Variants in ACVR2A observed in about 807,000 individuals in gnomAD.
The protein encoded by ACVR2A is activin receptor type-2A.
ACVR2A carries 7 observed loss-of-function variants against 61.4 expected under a neutral mutation model. The ratio of observed to expected loss-of-function variants is 0.11; its 90% confidence interval spans 0.06 to 0.21. ACVR2A has a LOEUF of 0.21. Among genes scored for constraint, ACVR2A ranks in the 10% least tolerant of loss-of-function variants. The pLI, the probability that ACVR2A is intolerant of heterozygous loss-of-function variation, is 1.00. For synonymous variants in ACVR2A, 193 were observed against 208.3 expected (o/e 0.93, Z 0.63); for missense variants, 322 against 621.7 (o/e 0.52, Z 5.13).
Position 147,892,007 on chromosome 2 carries a change from T to C in ACVR2A, c.56-4294T>C, listed in dbSNP as rs1686598532. Among the ~76,000 whole-genome samples the C allele has an allele frequency of 2.6e-5, 4 of 152,260 alleles. No individual in the cohort carries two copies. In the South Asian group the frequency reaches 8.3e-4, roughly 32 times the overall value. On this transcript the variant is annotated intron_variant, in intron 1 of 10. Transcript: ENST00000241416. The stretch of plus-strand genomic sequence containing the variant: ...GTTTTTTTGAGACAGAGTCTCTTTC[T>C]GTTGCCCAGGCTGGCGTGCAGTGGT...
At chr2:147,871,679 A>T in intron 1 of ACVR2A, among the ~76,000 whole-genome samples, 1 of 152,130 alleles carries the variant, frequency 6.6e-6, no homozygotes, top group East Asian at 1.9e-4. Flanking sequence ...GGAATTGAGC[A>T]GATATATATT....
At chr2:147,894,478 T>G (rs1465346759) in intron 1 of ACVR2A, among the ~76,000 whole-genome samples, 1 of 151,450 alleles carries the variant, frequency 6.6e-6, no homozygotes, top group African/African-American at 2.4e-5. Context: ...ATTGAGTGGA[T>G]TTTTTTTTAA....
At chr2:147,894,669 A>G (rs778087916) in intron 1 of ACVR2A, among the ~76,000 whole-genome samples, 2 of 152,076 alleles carry the variant, frequency 1.3e-5, no homozygotes, top group African/African-American at 2.4e-5. Context: ...ACCATCACCT[A>G]TTGCTGATGG....
intron 1 of ACVR2A, among the ~76,000 whole-genome samples, chr2:147,872,746 A>C (rs1182107411): frequency 6.6e-6 from 1 of 151,844 alleles, no homozygotes; most frequent in Non-Finnish European, 1.5e-5. Flanking sequence ...ATATTTTACA[A>C]GTAGAAGTTA....
intron 1 of ACVR2A, among the ~76,000 whole-genome samples, chr2:147,848,871 A>G (rs1323390473): frequency 6.6e-6 from 1 of 152,180 alleles, no homozygotes; most frequent in Non-Finnish European, 1.5e-5. Context: ...GCAGTAGTTT[A>G]TTAGTAAAAG....
At chr2:147,844,813 G>A (rs1685257300), upstream of ACVR2A, 1 of 198,476 alleles carries the variant, frequency 5.0e-6, no homozygotes, top group Non-Finnish European at 1.0e-5. Flanking sequence ...TTTGTTCCGA[G>A]AGACGGGAGA....
At chr2:147,862,865 T>A (rs1685762573) in intron 1 of ACVR2A, among the ~76,000 whole-genome samples, 2 of 152,214 alleles carry the variant, frequency 1.3e-5, no homozygotes. Flanking sequence ...AACTGGCAAG[T>A]TATGTCACAG....
intron 1 of ACVR2A, among the ~76,000 whole-genome samples, chr2:147,880,056 A>G (rs772770509): frequency 5.9e-5 from 9 of 152,190 alleles, no homozygotes; most frequent in Non-Finnish European, 1.0e-4. Flanking sequence ...TAAGAGTGCT[A>G]GTATAAATGG....
intron 10 of ACVR2A, 149 bp downstream of exon 10, chr2:147,926,310 T>G (rs1287202873): frequency 9.8e-7 from 1 of 1,018,986 alleles, no homozygotes; most frequent in South Asian, 1.7e-5. Flanking sequence ...GAGGCAGAAT[T>G]AGGGCTATGT....
intron 1 of ACVR2A, among the ~76,000 whole-genome samples, chr2:147,862,731 G>A (rs1327532023): frequency 2.0e-5 from 3 of 148,708 alleles, no homozygotes; most frequent in Non-Finnish European, 3.0e-5. Flanking sequence ...GTGACAGAGC[G>A]AGACTCTGTC....
chr2:147,916,990 CT>C (rs1448511928), intron 5 of ACVR2A, among the ~76,000 whole-genome samples: 22 of 151,934 alleles, frequency 1.4e-4, no homozygotes, highest in African/African-American at 4.8e-4. Context: ...CTTGCAGTAA[CT>C]TACGTGTTGC....
Position 147,927,281 on chromosome 2 carries a change from C to T in ACVR2A, c.*7C>T, listed in dbSNP as rs201620807. The T allele has an allele frequency of 1.4e-5, 23 of 1,607,352 alleles. No individual in the cohort carries two copies. The highest frequency in any genetic ancestry group is 2.2e-5 in the East Asian group (1 of 44,532). ...CAAAGAATCTAGTCTATGATGGTTG[C>T]GCCATCTGTGCACACTAAGAAATGG... On this transcript the variant is annotated 3_prime_UTR_variant, in exon 11 of 11. Coordinates refer to ENST00000241416, the MANE Select transcript of ACVR2A (RefSeq NM_001616.5).
At chr2:147,897,772 G>A (rs1057231100) in intron 2 of ACVR2A, among the ~76,000 whole-genome samples, 8 of 152,092 alleles carry the variant, frequency 5.3e-5, no homozygotes, top group East Asian at 1.9e-4. Flanking sequence ...TATATATTTC[G>A]TATTTAGAAT....
Position 147,915,090 on chromosome 2 carries a change from C to T in ACVR2A, c.529-101C>T, listed in dbSNP as rs73003439. On this transcript the variant is annotated intron_variant, in intron 4 of 10. Coordinates refer to ENST00000241416, the MANE Select transcript of ACVR2A (RefSeq NM_001616.5). ...TGTCATTCATATGTGTTTACTGTTT[C>T]TGTCAGTTGACTTTTCAGTATACTC... 6.0e-4 allele frequency: 637 copies of T among 1,068,616 alleles called. 1 individual carries two copies. The African/African-American group carries it at 8.9e-3, about 15-fold the overall frequency. The allele number at this position is 1,068,616 out of a possible 1,614,324, so 66.2% of individuals were successfully genotyped here.
rs1687305149 is a variant in ACVR2A at position 147,918,444 on chromosome 2, T to A, written c.817-3T>A. On this transcript the variant is annotated splice_polypyrimidine_tract_variant and splice_region_variant and intron_variant, in intron 6 of 10. Coordinates refer to ENST00000241416, the MANE Select transcript of ACVR2A (RefSeq NM_001616.5). ...AAGTTTCTTTTTTTCCCTCTTTTTT[T>A]AGGGTTCACTATCAGACTTTCTTAA... 1 of 1,596,486 alleles carries A rather than the reference T, an allele frequency of 6.3e-7. No homozygotes were observed. The highest frequency in any genetic ancestry group is 1.8e-5 in the Admixed American group (1 of 56,062).
At chr2:147,883,147 T>C (rs147783147) in intron 1 of ACVR2A, among the ~76,000 whole-genome samples, 51 of 152,292 alleles carry the variant, frequency 3.3e-4, no homozygotes, top group African/African-American at 1.1e-3. Context: ...AGAAAAGATA[T>C]CAAAAGACTC....
intron 1 of ACVR2A, among the ~76,000 whole-genome samples, chr2:147,859,659 G>C (rs1250110143): frequency 1.3e-5 from 2 of 152,032 alleles, no homozygotes; most frequent in Non-Finnish European, 1.5e-5. Context: ...CAAGGGTTTG[G>C]GGTACTGATC....
At chr2:147,913,027 T>G (rs1001612767) in intron 4 of ACVR2A, among the ~76,000 whole-genome samples, 45 of 151,908 alleles carry the variant, frequency 3.0e-4, no homozygotes, top group African/African-American at 1.1e-3. Context: ...GCTTAGAAAC[T>G]TGTTAAACAG....
In ACVR2A at chr2:147,896,389, A is replaced by T. The variant is rs768851334; in HGVS notation, c.144A>T (p.Glu48Asp). 3 of 1,614,008 alleles carry T rather than the reference A, an allele frequency of 1.9e-6. No individual in the cohort carries two copies. The highest frequency in any genetic ancestry group is 2.5e-6 in the Non-Finnish European group (3 of 1,179,950). The change falls in exon 2 of 11, where the codon GAA (glutamate) becomes GAT (aspartate). Residue 48 changes from glutamate to aspartate, a missense_variant. Transcript: ENST00000241416. ...EKDRTNQTGV[E>D]PCYGDKDKRR... Reference sequence around the variant, plus strand: ...ACAGAACCAATCAAACTGGTGTTGAACCGTGTTATGGTGACAAAGATAAAC... The same window carrying T: ...ACAGAACCAATCAAACTGGTGTTGATCCGTGTTATGGTGACAAAGATAAAC...
Sources: gnomAD v4.1 joint callset for allele counts (sites outside exome capture counted in the v4.1 genomes callset) on GRCh38, gnomAD v4.1.1 for gene constraint, MANE v1.5 for transcripts, NCBI Gene and HGNC (gene_info 2026-07-23, HGNC 2026-07-21) for gene names.